Variants in PIP4K2A observed in about 807,000 individuals in gnomAD.
PIP4K2A encodes phosphatidylinositol-5-phosphate 4-kinase type 2 alpha, also known as phosphatidylinositol 5-phosphate 4-kinase type-2 alpha.
PIP4K2A carries 14 observed loss-of-function variants against 42.9 expected under a neutral mutation model. The observed-to-expected ratio is 0.33, with a 90% CI of 0.22 to 0.51. The LOEUF (loss-of-function observed/expected upper bound fraction) is 0.51. Ranked by LOEUF, PIP4K2A falls within the 20% of genes least tolerant of loss-of-function variation. The pLI, the probability that PIP4K2A is intolerant of heterozygous loss-of-function variation, is 0.97. For missense variants in PIP4K2A, 434 were observed against 519.8 expected (o/e 0.83, Z 1.61); for synonymous variants, 192 against 192.2 (o/e 1.00, Z 0.01).
chr10:22,664,140 T>TAC (rs1226083974), intron 1 of PIP4K2A, among the ~76,000 whole-genome samples: 14 of 44,876 alleles, frequency 3.1e-4, no homozygotes, highest in African/African-American at 2.8e-3. Flanking sequence ...CATATATATA[T>TAC]ACATATATAT....
chr10:22,593,476 T>C (rs906494834), intron 3 of PIP4K2A, among the ~76,000 whole-genome samples: 1 of 152,236 alleles, frequency 6.6e-6, no homozygotes, highest in Non-Finnish European at 1.5e-5. Flanking sequence ...AGGATGAAAA[T>C]GCCTACATTA....
chr10:22,682,073 C>T (rs1001347901), intron 1 of PIP4K2A, among the ~76,000 whole-genome samples: 12 of 152,060 alleles, frequency 7.9e-5, no homozygotes, highest in Non-Finnish European at 1.8e-4. Context: ...CCAGATCTGG[C>T]CCACAAGCCA....
At chr10:22,564,594 T>C (rs1836793494) in intron 6 of PIP4K2A, among the ~76,000 whole-genome samples, 3 of 152,236 alleles carry the variant, frequency 2.0e-5, no homozygotes, top group Admixed American at 2.0e-4. Context: ...AAATACCTGC[T>C]GAGTCTTCAG....
chr10:22,632,100 TAAAGGTCATGATAGACA>T (rs1383915348), intron 1 of PIP4K2A, among the ~76,000 whole-genome samples: 3 of 152,116 alleles, frequency 2.0e-5, no homozygotes, highest in African/African-American at 7.2e-5. Flanking sequence ...ATGAAAAGTG[TAAAGGTCATGATAGACA>T]AAGACAGGAA....
intron 1 of PIP4K2A, among the ~76,000 whole-genome samples, chr10:22,630,632 C>T (rs1025348980): frequency 6.6e-6 from 1 of 152,182 alleles, no homozygotes; most frequent in South Asian, 2.1e-4. Flanking sequence ...GTGACCCAAC[C>T]GTTCTGTTTT....
chr10:22,644,462 TCCTCTACA>T, intron 1 of PIP4K2A, among the ~76,000 whole-genome samples: 2 of 152,094 alleles, frequency 1.3e-5, no homozygotes, highest in African/African-American at 2.4e-5. Flanking sequence ...CCTGCCCAAC[TCCTCTACA>T]AGTCCTCACC....
chr10:22,544,035 C>A (rs150060793), intron 7 of PIP4K2A, among the ~76,000 whole-genome samples: 1 of 152,300 alleles, frequency 6.6e-6, no homozygotes, highest in Non-Finnish European at 1.5e-5. Flanking sequence ...CTATCAGCTA[C>A]CTCTGGAGGC....
intron 6 of PIP4K2A, among the ~76,000 whole-genome samples, chr10:22,553,721 G>A (rs764295939): frequency 4.0e-5 from 6 of 149,120 alleles, no homozygotes; most frequent in South Asian, 2.1e-4. Flanking sequence ...CACCCCCATC[G>A]TCATCATCAT....
At chr10:22,538,483 G>A (rs1230097812) in intron 9 of PIP4K2A, among the ~76,000 whole-genome samples, 1 of 152,212 alleles carries the variant, frequency 6.6e-6, no homozygotes, top group Non-Finnish European at 1.5e-5. Context: ...AACCCCATCA[G>A]CAAGGCAGTA....
At chr10:22,586,616 C>T (rs1384600042) in intron 4 of PIP4K2A, among the ~76,000 whole-genome samples, 1 of 152,138 alleles carries the variant, frequency 6.6e-6, no homozygotes, top group African/African-American at 2.4e-5. Context: ...CTGCAACCTC[C>T]ACCTCCTGGG....
At chr10:22,652,009 A>C (rs1022100891) in intron 1 of PIP4K2A, among the ~76,000 whole-genome samples, 2 of 152,202 alleles carry the variant, frequency 1.3e-5, no homozygotes, top group Non-Finnish European at 2.9e-5. Flanking sequence ...TTGCTATCTA[A>C]ATCAGCTCCT....
intron 9 of PIP4K2A, among the ~76,000 whole-genome samples, chr10:22,538,839 G>A (rs996393721): frequency 2.0e-5 from 3 of 152,218 alleles, no homozygotes; most frequent in Non-Finnish European, 4.4e-5. Flanking sequence ...CACACAGCAG[G>A]AATACCATAG....
At chr10:22,624,955 C>A (rs1386343028) in intron 1 of PIP4K2A, among the ~76,000 whole-genome samples, 1 of 152,132 alleles carries the variant, frequency 6.6e-6, no homozygotes, top group African/African-American at 2.4e-5. Flanking sequence ...GTTTCAAACC[C>A]ATTTGTTAAT....
intron 1 of PIP4K2A, among the ~76,000 whole-genome samples, chr10:22,675,356 G>C (rs796976144): frequency 2.0e-5 from 3 of 152,284 alleles, no homozygotes; most frequent in African/African-American, 7.2e-5. Flanking sequence ...GGGAGGCCGA[G>C]GTGGGCAGAT....
intron 1 of PIP4K2A, among the ~76,000 whole-genome samples, chr10:22,613,924 T>C (rs1778331): frequency 0.45 from 68,876 of 152,026 alleles, 17,672 homozygotes; most frequent in African/African-American, 0.7. Flanking sequence ...GATCCCTGAC[T>C]GTAAGGAGTT....
chr10:22,627,318 G>C (rs1326342), intron 1 of PIP4K2A, among the ~76,000 whole-genome samples: 11,714 of 151,926 alleles, frequency 0.077, 870 homozygotes, highest in African/African-American at 0.2. Context: ...ATAAAATGCA[G>C]ACTGTGAGTA....
rs561040145 is a variant in PIP4K2A, at chr10:22,687,516, T to C, written c.144+26667A>G. On this transcript the variant is annotated intron_variant, in intron 1 of 9. Transcript: ENST00000376573. ...GTATTGGGGATTTTTGTTAAATAAA[T>C]AGGTTTTAGTTACTCGTTACGAAAG... Among the ~76,000 whole-genome samples the C allele has an allele frequency of 2.6e-5, 4 of 151,960 alleles. No individual in the cohort carries two copies. The South Asian group carries it at 8.3e-4, about 32-fold the overall frequency.
Position 22,550,718 on chromosome 10 carries a change from T to C in PIP4K2A, c.733A>G (p.Ile245Val). Residue 245 changes from isoleucine (I) to valine (V), a missense_variant, in exon 7 of 10, where the codon ATT becomes GTT. Physicochemically the swap from Ile to Val is conservative, Grantham distance 29 (BLOSUM62 3). Coordinates refer to ENST00000376573, the MANE Select transcript of PIP4K2A (RefSeq NM_005028.5). ...DNDFINEGQKIYIDDNNKKVF... is the reference protein window; with the variant it reads ...DNDFINEGQKVYIDDNNKKVF... Reference sequence around the variant, plus strand: ...TTCTTGTTGTTGTCATCAATATAAATCTTTTGGCCCTCATTAATGAAATCA... The same window carrying C: ...TTCTTGTTGTTGTCATCAATATAAACCTTTTGGCCCTCATTAATGAAATCA... 1 of 1,609,458 alleles carries C rather than the reference T, an allele frequency of 6.2e-7. No individual in the cohort carries two copies. The highest frequency in any genetic ancestry group is 8.5e-7 in the Non-Finnish European group (1 of 1,175,642).
At chr10:22,655,378 T>C (rs7914338) in intron 1 of PIP4K2A, among the ~76,000 whole-genome samples, 12,845 of 152,194 alleles carry the variant, frequency 0.084, 1,529 homozygotes, top group African/African-American at 0.27. Flanking sequence ...GGAGGTCTGT[T>C]TGTGACTGCT....
Sources: gnomAD v4.1 joint callset for allele counts (sites outside exome capture counted in the v4.1 genomes callset) on GRCh38, gnomAD v4.1.1 for gene constraint, MANE v1.5 for transcripts, NCBI Gene and HGNC (gene_info 2026-07-23, HGNC 2026-07-21) for gene names.